B4GALNT3: variants seen among roughly 807,000 people sequenced by gnomAD.
The protein encoded by B4GALNT3 is beta-1,4-N-acetylgalactosaminyltransferase 3.
A neutral mutation model predicts 120.2 loss-of-function variants in B4GALNT3; 86 were observed. That is an observed-to-expected ratio of 0.72 (90% confidence interval 0.60 to 0.86). B4GALNT3 has a LOEUF of 0.86. Among genes scored for constraint, B4GALNT3 ranks in the 40% least tolerant of loss-of-function variants. The probability of loss-of-function intolerance (pLI) is 0.00; values close to 1 mark genes in which losing one functional copy is unlikely to be tolerated. For synonymous variants in B4GALNT3, 518 were observed against 510.4 expected (o/e 1.01, Z -0.20); for missense variants, 1,167 against 1,298.9 (o/e 0.90, Z 1.56).
intron 1 of B4GALNT3, among the ~76,000 whole-genome samples, chr12:465,733 G>T (rs1946071546): frequency 6.6e-6 from 1 of 152,006 alleles, no homozygotes; most frequent in South Asian, 2.1e-4. Context: ...CCATTCCCCT[G>T]CTTGATGGTG....
At chr12:531,944 C>A (rs1946812131) in intron 1 of B4GALNT3, among the ~76,000 whole-genome samples, 1 of 149,152 alleles carries the variant, frequency 6.7e-6, no homozygotes, top group African/African-American at 2.5e-5. Context: ...GGTAGATATA[C>A]AATTAGATCT....
chr12:519,718 G>A (rs1365019834), intron 1 of B4GALNT3, among the ~76,000 whole-genome samples: 2 of 150,456 alleles, frequency 1.3e-5, no homozygotes, highest in East Asian at 2.0e-4. Flanking sequence ...CCTTGTTGAT[G>A]TGTTGGTTCA....
rs749979564 is a variant in B4GALNT3, at chr12:557,598, C to A, written c.2381-10C>A. Reference sequence around the variant, plus strand: ...TGTGTTTCCTTCTCCTGCCTGACCCCCTGGGGTAGTGAAGAACCAGGCACG... The same window carrying A: ...TGTGTTTCCTTCTCCTGCCTGACCCACTGGGGTAGTGAAGAACCAGGCACG... On this transcript the variant is annotated splice_polypyrimidine_tract_variant and intron_variant, in intron 15 of 19. Coordinates refer to ENST00000266383, the MANE Select transcript of B4GALNT3 (RefSeq NM_173593.4). 6.2e-7 allele frequency: 1 copy of A among 1,606,570 alleles called. No individual in the cohort carries two copies. Among genetic ancestry groups the A allele is most frequent in the Non-Finnish European group, 8.5e-7 (1 of 1,177,418 alleles).
At chr12:489,237 G>A (rs1946318750) in intron 1 of B4GALNT3, among the ~76,000 whole-genome samples, 2 of 151,258 alleles carry the variant, frequency 1.3e-5, no homozygotes, top group Non-Finnish European at 2.9e-5. Context: ...TTAAAATCTA[G>A]ATGATGGGTT....
intron 1 of B4GALNT3, among the ~76,000 whole-genome samples, chr12:521,728 C>T (rs1170228804): frequency 2.0e-5 from 3 of 152,206 alleles, no homozygotes; most frequent in Non-Finnish European, 4.4e-5. Context: ...GATGTTGCCG[C>T]AGCGTCCGAT....
intron 3 of B4GALNT3, among the ~76,000 whole-genome samples, chr12:541,332 T>A (rs931932094): frequency 6.6e-6 from 1 of 152,240 alleles, no homozygotes; most frequent in Non-Finnish European, 1.5e-5. Context: ...CCAACAGATA[T>A]CTTCTCCAGC....
chr12:546,541 T>C (rs4980937), intron 6 of B4GALNT3, 105 bp from the exon 7 acceptor site: 442,920 of 1,041,736 alleles, frequency 0.43, 95,807 homozygotes, highest in South Asian at 0.55. Context: ...TCTTCCTCCC[T>C]TTTTCTCTCA....
chr12:492,593 T>C lies in B4GALNT3; in HGVS notation c.169+32048T>C, dbSNP rs138186645. Reference sequence around the variant, plus strand: ...CCCAATCAAAACCCCAGCAAGTTATTTTGTGAATATTGGCAAACTGATTCT... The same window carrying C: ...CCCAATCAAAACCCCAGCAAGTTATCTTGTGAATATTGGCAAACTGATTCT... On this transcript the variant is annotated intron_variant, in intron 1 of 19. Transcript: ENST00000266383. 7.3e-3 allele frequency among the ~76,000 whole-genome samples: 1,107 copies of C among 152,338 alleles called. 13 individuals carry two copies. The highest frequency in any genetic ancestry group is 0.01 in the Middle Eastern group (3 of 294).
chr12:554,738 T>A (rs7978869), intron 14 of B4GALNT3, among the ~76,000 whole-genome samples: 1 of 115,964 alleles, frequency 8.6e-6, no homozygotes, highest in African/African-American at 3.4e-5. Flanking sequence ...TGCAGTGAGC[T>A]GAGATTGCGC....
rs1947229712 is a variant in B4GALNT3 at position 561,333 on chromosome 12, C to T, written c.2889-10C>T. 4.4e-6 allele frequency: 7 copies of T among 1,607,298 alleles called. No homozygotes were observed. Among genetic ancestry groups the T allele is most frequent in the Non-Finnish European group, 6.0e-6 (7 of 1,174,108 alleles). The stretch of plus-strand genomic sequence containing the variant: ...CTTCTGTTGGCTCATCTGTGTTTCT[C>T]CTCCTCCAGGATACTCCAAGCGGGC... On this transcript the variant is annotated splice_polypyrimidine_tract_variant and intron_variant, in intron 19 of 19. Coordinates refer to ENST00000266383, the MANE Select transcript of B4GALNT3 (RefSeq NM_173593.4).
chr12:556,517 C>A, intron 14 of B4GALNT3, 30 bp from the exon 15 acceptor site: 1 of 1,588,038 alleles, frequency 6.3e-7, no homozygotes, highest in South Asian at 1.1e-5. Flanking sequence ...GGAAAGGAAC[C>A]ACTCAGCCTC....
chr12:479,522 G>A (rs1023690276), intron 1 of B4GALNT3, among the ~76,000 whole-genome samples: 3 of 152,192 alleles, frequency 2.0e-5, no homozygotes, highest in Non-Finnish European at 4.4e-5. Context: ...GAGAAACAAA[G>A]TGAAGTCAGG....
chr12:559,180 C>T lies in B4GALNT3; in HGVS notation c.2762-115C>T, dbSNP rs900878828. 3.5e-6 allele frequency: 5 copies of T among 1,420,442 alleles called. No individual in the cohort carries two copies. In the African/African-American group the frequency reaches 7.1e-5, roughly 20 times the overall value. 88.0% of individuals were successfully genotyped at this position (1,420,442 alleles called of 1,614,324 possible). A position where few individuals can be genotyped will look rare whatever the true frequency, so the allele number is the denominator to read the frequency against. On this transcript the variant is annotated intron_variant, in intron 18 of 19. Transcript: ENST00000266383. ...TCAGCTAAGACAGTTTTCAGCCTCCCTCAACCCCAGCCTCTGACTTTCAGA... is the reference window on the plus strand; with the variant it reads ...TCAGCTAAGACAGTTTTCAGCCTCCTTCAACCCCAGCCTCTGACTTTCAGA...
intron 1 of B4GALNT3, among the ~76,000 whole-genome samples, chr12:512,137 A>C (rs866900884): frequency 1.8e-5 from 1 of 54,610 alleles, no homozygotes; most frequent in Non-Finnish European, 3.1e-5. Flanking sequence ...TCCACCTTCC[A>C]CCTTCCACCT....
intron 1 of B4GALNT3, among the ~76,000 whole-genome samples, chr12:495,853 G>A (rs1011449145): frequency 3.9e-5 from 6 of 152,150 alleles, no homozygotes; most frequent in African/African-American, 1.4e-4. Context: ...TGCAGCAGGT[G>A]CTCAGCTACC....
chr12:532,171 G>A (rs917959079), intron 1 of B4GALNT3, among the ~76,000 whole-genome samples: 5 of 152,102 alleles, frequency 3.3e-5, no homozygotes, highest in Admixed American at 2.0e-4. Context: ...GACTGCAAAG[G>A]AATTTTCCTA....
intron 1 of B4GALNT3, among the ~76,000 whole-genome samples, chr12:467,694 A>G (rs1199492280): frequency 2.0e-5 from 3 of 152,210 alleles, no homozygotes; most frequent in African/African-American, 7.2e-5. Context: ...TCACTAACAA[A>G]ATAACCTAAG....
intron 1 of B4GALNT3, among the ~76,000 whole-genome samples, chr12:484,293 T>G (rs1054296035): frequency 5.3e-5 from 8 of 152,162 alleles, no homozygotes; most frequent in Non-Finnish European, 1.0e-4. Context: ...GGCTGAGATG[T>G]AAGAGATACG....
intron 1 of B4GALNT3, among the ~76,000 whole-genome samples, chr12:511,878 CCACCTT>C (rs1256425821): frequency 0.057 from 2,834 of 49,478 alleles, 131 homozygotes; most frequent in East Asian, 0.43. Context: ...CTTCCACCTT[CCACCTT>C]CTTCCACCTT....
Sources: allele counts gnomAD v4.1 joint callset (sites outside exome capture counted in the v4.1 genomes callset), GRCh38; gene constraint gnomAD v4.1.1; transcripts MANE v1.5; gene names NCBI Gene and HGNC (gene_info 2026-07-23, HGNC 2026-07-21).